LARP4B: variants seen among roughly 807,000 people sequenced by gnomAD.
The protein encoded by LARP4B is La ribonucleoprotein 4B.
In LARP4B, 12 loss-of-function variants were observed where a neutral mutation model predicts 89.8. The ratio of observed to expected loss-of-function variants is 0.13; its 90% CI spans 0.09 to 0.22. The LOEUF (loss-of-function observed/expected upper bound fraction) is 0.22. Among genes scored for constraint, LARP4B ranks in the 10% least tolerant of loss-of-function variants. The pLI is 1.00. For synonymous variants in LARP4B, 367 were observed against 363.3 expected, an observed-to-expected ratio of 1.01 and a Z score of -0.12; for missense variants, 757 against 947.7, an observed-to-expected ratio of 0.80 and a Z score of 2.64.
In LARP4B at chr10:812,753, G is replaced by A. The variant is rs768707171; in HGVS notation, c.*173C>T. On this transcript the variant is annotated 3_prime_UTR_variant, in exon 18 of 18. Coordinates refer to ENST00000316157, the MANE Select transcript of LARP4B (RefSeq NM_015155.3). ...TGTATTAATTAAATCCTGAAAAATC[G>A]ATTTTTTTTCAAGAGGGGGAGAATC... 2.8e-5 allele frequency: 13 copies of A among 458,808 alleles called. No individual in the cohort carries two copies. Among genetic ancestry groups the A allele is most frequent in the Admixed American group, 1.7e-4 (4 of 23,226 alleles). The allele number at this position is 458,808 out of a possible 1,614,324, so 28.4% of individuals were successfully genotyped here. A position where few individuals can be genotyped will look rare whatever the true frequency, so the allele number is the denominator to read the frequency against.
chr10:839,719 C>T (rs1002672161), intron 7 of LARP4B, among the ~76,000 whole-genome samples: 11 of 152,332 alleles, frequency 7.2e-5, no homozygotes, highest in Admixed American at 7.2e-4. Flanking sequence ...ATGGTCCAAC[C>T]ACTTTGGAAA....
At chr10:864,480 C>G (rs1428944341) in intron 3 of LARP4B, among the ~76,000 whole-genome samples, 1 of 151,340 alleles carries the variant, frequency 6.6e-6, no homozygotes, top group Non-Finnish European at 1.5e-5. Context: ...TTTTAAGTTC[C>G]TCCTCCCAAG....
intron 8 of LARP4B, among the ~76,000 whole-genome samples, chr10:831,593 A>G (rs977125555): frequency 6.6e-6 from 1 of 152,174 alleles, no homozygotes; most frequent in African/African-American, 2.4e-5. Context: ...AGCCCAGGGA[A>G]GGCTCACCAA....
the LARP4B span, among the ~76,000 whole-genome samples, chr10:982,112 CTTTCTTTTTTT>C: frequency 7.9e-6 from 1 of 125,978 alleles, no homozygotes; most frequent in South Asian, 2.5e-4. Context: ...TTCTTTCTTT[CTTTCTTTTTTT>C]TTTTTTTTTT....
chr10:860,860 G>A (rs1588925905), intron 5 of LARP4B, among the ~76,000 whole-genome samples: 1 of 152,156 alleles, frequency 6.6e-6, no homozygotes, highest in South Asian at 2.1e-4. Context: ...TATAGTGATA[G>A]AAAACAGACC....
intron 17 of LARP4B, 136 bp from the exon 18 acceptor site, chr10:813,349 A>G: frequency 1.2e-6 from 1 of 827,666 alleles, no homozygotes; most frequent in Non-Finnish European, 1.8e-6. Flanking sequence ...TTAACTTTTA[A>G]AAAGTTCATA....
Position 884,372 on chromosome 10 carries a change from C to A in LARP4B, c.141+75G>T, listed in dbSNP as rs530036641. The A allele has an allele frequency of 1.0e-4, 109 of 1,050,998 alleles. No homozygotes were observed. In the African/African-American group the frequency reaches 1.3e-3, roughly 13 times the overall value. 65.1% of individuals were successfully genotyped at this position (1,050,998 alleles called of 1,614,324 possible). ...ATTTTCTAATTTTTGTTACAATAAACATTTTTCTTAAGGAAGTATCTCTGA... is the reference window on the plus strand; with the variant it reads ...ATTTTCTAATTTTTGTTACAATAAAAATTTTTCTTAAGGAAGTATCTCTGA... On this transcript the variant is annotated intron_variant, in intron 3 of 17. Coordinates refer to ENST00000316157, the MANE Select transcript of LARP4B (RefSeq NM_015155.3).
At chr10:867,862 GAA>G (rs903762145) in intron 3 of LARP4B, among the ~76,000 whole-genome samples, 4 of 43,386 alleles carry the variant, frequency 9.2e-5, no homozygotes, top group Admixed American at 2.7e-4. Flanking sequence ...CTCCATCCTT[GAA>G]AAAAAAAAAA....
At chr10:809,406 T>C (rs2131578447), downstream of LARP4B, 1 of 152,270 alleles carries the variant, frequency 6.6e-6, no homozygotes, top group East Asian at 1.9e-4. Context: ...CCCACGTAGG[T>C]GAGAAGGCTT....
At chr10:914,341 T>A (rs1836757783) in intron 1 of LARP4B, among the ~76,000 whole-genome samples, 1 of 152,174 alleles carries the variant, frequency 6.6e-6, no homozygotes, top group South Asian at 2.1e-4. Flanking sequence ...TTTTCCCTTG[T>A]ACACAGAGAT....
chr10:944,059 A>G, the LARP4B span, among the ~76,000 whole-genome samples: 1 of 152,222 alleles, frequency 6.6e-6, no homozygotes, highest in Non-Finnish European at 1.5e-5. Flanking sequence ...AATGAACCAA[A>G]GACACCTTGA....
chr10:857,638 C>T (rs1008366283), intron 5 of LARP4B, among the ~76,000 whole-genome samples: 5 of 152,270 alleles, frequency 3.3e-5, no homozygotes, highest in African/African-American at 4.8e-5. Flanking sequence ...GTCAAGCGCT[C>T]GGGAGTTTGT....
At chr10:987,325 TG>T in the LARP4B span, 1 of 152,232 alleles carries the variant, frequency 6.6e-6, no homozygotes, top group Non-Finnish European at 1.5e-5. Flanking sequence ...AATATTGGAA[TG>T]CTGGGAATTT....
chr10:963,169 C>A, the LARP4B span, among the ~76,000 whole-genome samples: 2 of 152,294 alleles, frequency 1.3e-5, no homozygotes, highest in Admixed American at 6.5e-5. Context: ...GGTCCTCCCC[C>A]ACCCCAGGAT....
chr10:838,736 T>C (rs1228086448), intron 7 of LARP4B, among the ~76,000 whole-genome samples: 1 of 152,204 alleles, frequency 6.6e-6, no homozygotes, highest in Non-Finnish European at 1.5e-5. Flanking sequence ...ATTCTTAGCA[T>C]ATGATCTGGC....
chr10:944,358 A>G, the LARP4B span, among the ~76,000 whole-genome samples: 1 of 152,194 alleles, frequency 6.6e-6, no homozygotes, highest in South Asian at 2.1e-4. Context: ...CCTGGACATC[A>G]TTCAACATCA....
At chr10:923,806 C>G (rs1837055025) in intron 1 of LARP4B, among the ~76,000 whole-genome samples, 1 of 152,132 alleles carries the variant, frequency 6.6e-6, no homozygotes. Flanking sequence ...ACAATAAAAA[C>G]AAAGCTCTCT....
intron 1 of LARP4B, among the ~76,000 whole-genome samples, chr10:924,164 A>G (rs1369409653): frequency 1.3e-5 from 2 of 152,156 alleles, no homozygotes; most frequent in Admixed American, 1.3e-4. Flanking sequence ...AGATCGCTCA[A>G]GCCCAGGTCG....
chr10:935,895 T>G (rs1379479124), upstream of LARP4B, among the ~76,000 whole-genome samples: 4 of 145,490 alleles, frequency 2.7e-5, no homozygotes, highest in East Asian at 4.1e-4. Flanking sequence ...ATTTTTGTTG[T>G]TTTTTTTTTT....
Sources: gnomAD v4.1 joint callset for allele counts (sites outside exome capture counted in the v4.1 genomes callset) on GRCh38, gnomAD v4.1.1 for gene constraint, MANE v1.5 for transcripts, NCBI Gene and HGNC (gene_info 2026-07-23, HGNC 2026-07-21) for gene names.